The following GRIN3A variants were observed in gnomAD, a reference collection of about 807,000 sequenced individuals.
GRIN3A encodes the protein glutamate ionotropic receptor NMDA type subunit 3A.
Under a neutral mutation model 92.4 loss-of-function variants are expected in GRIN3A, and 47 were observed. The ratio of observed to expected loss-of-function variants is 0.51; its 90% CI spans 0.40 to 0.65. The LOEUF (loss-of-function observed/expected upper bound fraction) is 0.65, where lower values mean the gene tolerates loss of function less well. GRIN3A is among the 30% of genes least tolerant of loss of function. The pLI is 0.00. For missense variants in GRIN3A, 1,324 were observed against 1,393.1 expected, an observed-to-expected ratio of 0.95 and a Z score of 0.79; for synonymous variants, 527 against 540.6, an observed-to-expected ratio of 0.97 and a Z score of 0.35.
At chr9:101,657,078 T>A (rs1167631876) in intron 3 of GRIN3A, among the ~76,000 whole-genome samples, 1 of 151,858 alleles carries the variant, frequency 6.6e-6, no homozygotes, top group African/African-American at 2.4e-5. Context: ...TTGTCTTACG[T>A]TGAAATGTAA....
intron 1 of GRIN3A, among the ~76,000 whole-genome samples, chr9:101,703,681 T>C (rs2119003896): frequency 6.6e-6 from 1 of 152,332 alleles, no homozygotes; most frequent in East Asian, 1.9e-4. Context: ...TGTCTCTGTA[T>C]CATGCATTAA....
intron 6 of GRIN3A, among the ~76,000 whole-genome samples, chr9:101,608,888 G>C (rs1393498993): frequency 1.3e-5 from 2 of 152,210 alleles, no homozygotes; most frequent in Non-Finnish European, 2.9e-5. Context: ...CTGTATCAAA[G>C]CTGGGAGGAC....
At chr9:101,735,711 C>G (rs184633930) in intron 1 of GRIN3A, among the ~76,000 whole-genome samples, 2 of 151,972 alleles carry the variant, frequency 1.3e-5, no homozygotes, top group South Asian at 2.1e-4. Context: ...TCTGATTCTG[C>G]ATGTATATTA....
intron 6 of GRIN3A, among the ~76,000 whole-genome samples, chr9:101,606,820 T>C (rs1199903553): frequency 6.6e-6 from 1 of 152,096 alleles, no homozygotes; most frequent in Non-Finnish European, 1.5e-5. Context: ...GTCGGCTGCC[T>C]TGCTTTCCTG....
chr9:101,735,367 A>G (rs1168937066), intron 1 of GRIN3A, among the ~76,000 whole-genome samples: 2 of 151,306 alleles, frequency 1.3e-5, no homozygotes, highest in Non-Finnish European at 3.0e-5. Flanking sequence ...TATTTATTTT[A>G]TTGTCAGCTT....
At chr9:101,706,912 T>G (rs1375420097) in intron 1 of GRIN3A, among the ~76,000 whole-genome samples, 3 of 152,220 alleles carry the variant, frequency 2.0e-5, no homozygotes, top group Non-Finnish European at 4.4e-5. Flanking sequence ...TCAGGGAGAT[T>G]GATCTCCCTT....
chr9:101,613,991 AATAAT>A (rs1247598150), intron 5 of GRIN3A, among the ~76,000 whole-genome samples: 1 of 152,182 alleles, frequency 6.6e-6, no homozygotes. Flanking sequence ...TTAATTTTTG[AATAAT>A]ATAATAAAAC....
intron 1 of GRIN3A, among the ~76,000 whole-genome samples, chr9:101,716,206 G>GT (rs1279854025): frequency 1.5e-4 from 22 of 151,558 alleles, no homozygotes; most frequent in African/African-American, 2.2e-4. Flanking sequence ...AGAAATGTCA[G>GT]TTTTTTTTTA....
At chr9:101,725,254 A>G (rs974144859) in intron 1 of GRIN3A, among the ~76,000 whole-genome samples, 1 of 152,218 alleles carries the variant, frequency 6.6e-6, no homozygotes, top group Non-Finnish European at 1.5e-5. Context: ...TATTTCTTGA[A>G]TGAATGAAAG....
chr9:101,650,308 C>T (rs940592694), intron 3 of GRIN3A, among the ~76,000 whole-genome samples: 1 of 152,038 alleles, frequency 6.6e-6, no homozygotes, highest in African/African-American at 2.4e-5. Context: ...GGCTCCTCCC[C>T]TCTAACTCTG....
intron 3 of GRIN3A, among the ~76,000 whole-genome samples, chr9:101,634,056 G>A (rs546974555): frequency 6.6e-6 from 1 of 152,108 alleles, no homozygotes; most frequent in Non-Finnish European, 1.5e-5. Flanking sequence ...CCTCCTGGCC[G>A]GGCATGGTGG....
At chr9:101,716,540 GC>G (rs1235760986) in intron 1 of GRIN3A, among the ~76,000 whole-genome samples, 1 of 152,024 alleles carries the variant, frequency 6.6e-6, no homozygotes, top group Non-Finnish European at 1.5e-5. Flanking sequence ...ATCTTTTAGA[GC>G]CTTTTTTCTT....
intron 2 of GRIN3A, among the ~76,000 whole-genome samples, chr9:101,672,322 T>A (rs915565157): frequency 5.9e-5 from 9 of 152,212 alleles, no homozygotes; most frequent in African/African-American, 2.2e-4. Flanking sequence ...ATATGGTAAC[T>A]CTGACTTAAT....
At position 101,601,621 on chromosome 9, in the gene GRIN3A, A is replaced by C. The variant is rs28628555; in HGVS notation, c.2766+11755T>G. ...CTGAAATCAAGGAGTTGGCAGGGTC[A>C]TGCTCCCTTTGAAACCTGTAGGGCA... On this transcript the variant is annotated intron_variant, in intron 6 of 8. Transcript: ENST00000361820. 8.8e-3 allele frequency among the ~76,000 whole-genome samples: 1,334 copies of C among 152,180 alleles called. 17 individuals carry two copies. The highest frequency in any genetic ancestry group is 0.031 in the African/African-American group (1,281 of 41,486).
intron 4 of GRIN3A, among the ~76,000 whole-genome samples, 199 bp downstream of exon 4, chr9:101,628,057 C>T (rs1033873436): frequency 6.6e-6 from 1 of 152,186 alleles, no homozygotes; most frequent in Non-Finnish European, 1.5e-5. Flanking sequence ...CTATGCAGGT[C>T]ACAAGTAATC....
chr9:101,707,116 A>G (rs1829823661), intron 1 of GRIN3A, among the ~76,000 whole-genome samples: 1 of 152,224 alleles, frequency 6.6e-6, no homozygotes, highest in Non-Finnish European at 1.5e-5. Flanking sequence ...TTGAAATGTC[A>G]ACTGTGCAAA....
At chr9:101,615,842 A>C (rs1035580209) in intron 5 of GRIN3A, among the ~76,000 whole-genome samples, 2 of 151,970 alleles carry the variant, frequency 1.3e-5, no homozygotes, top group Non-Finnish European at 1.5e-5. Context: ...CTATTGACCC[A>C]GGGAGGAAAA....
At chr9:101,675,753 GT>G (rs1829387450) in intron 2 of GRIN3A, among the ~76,000 whole-genome samples, 1 of 151,742 alleles carries the variant, frequency 6.6e-6, no homozygotes. Context: ...TTTATAGCCT[GT>G]TTTGGATGCT....
Position 101,728,384 on chromosome 9 carries a change from C to T in GRIN3A, c.699+8897G>A, listed in dbSNP as rs371955172. Reference sequence around the variant, plus strand: ...TGAGGAGAGGAGTGACAACCCATTTCTAAGTTATTCCTAAGAATGTTTTTG... The same window carrying T: ...TGAGGAGAGGAGTGACAACCCATTTTTAAGTTATTCCTAAGAATGTTTTTG... On this transcript the variant is annotated intron_variant, in intron 1 of 8. Coordinates refer to ENST00000361820, the MANE Select transcript of GRIN3A (RefSeq NM_133445.3). Among the ~76,000 whole-genome samples the T allele has an allele frequency of 2.3e-4, 35 of 152,198 alleles. No homozygotes were observed. The South Asian group carries it at 6.4e-3, about 28-fold the overall frequency.
Sources: allele counts gnomAD v4.1 joint callset (sites outside exome capture counted in the v4.1 genomes callset), GRCh38; gene constraint gnomAD v4.1.1; transcripts MANE v1.5; gene names NCBI Gene and HGNC (gene_info 2026-07-23, HGNC 2026-07-21).